Variants in ADAM12 observed in about 807,000 individuals in gnomAD.
The protein encoded by ADAM12 is ADAM metallopeptidase domain 12.
A neutral mutation model predicts 106.4 loss-of-function variants in ADAM12; 70 were observed. That is an observed-to-expected ratio of 0.66 (90% CI 0.54 to 0.80). The LOEUF is 0.80. ADAM12 is among the 30% of genes least tolerant of loss of function. The pLI is 0.00. For missense variants in ADAM12, 1,010 were observed against 1,171.9 expected, an observed-to-expected ratio of 0.86 and a Z score of 2.02; for synonymous variants, 420 against 433.5, an observed-to-expected ratio of 0.97 and a Z score of 0.39.
At chr10:126,195,790 TTTATATG>T (rs1352589156) in intron 3 of ADAM12, among the ~76,000 whole-genome samples, 16 of 152,334 alleles carry the variant, frequency 1.1e-4, no homozygotes, top group African/African-American at 3.6e-4. Flanking sequence ...GACTACTCTA[TTTATATG>T]ATACAATTTA....
At chr10:126,039,557 G>A in intron 18 of ADAM12, 128 bp from the exon 19 acceptor site, 1 of 1,107,012 alleles carries the variant, frequency 9.0e-7, no homozygotes, top group South Asian at 1.5e-5. Context: ...ACCCGTGAGT[G>A]ATGTACTAAT....
intron 3 of ADAM12, among the ~76,000 whole-genome samples, chr10:126,187,634 C>T (rs1174875751): frequency 2.6e-5 from 4 of 152,170 alleles, no homozygotes; most frequent in East Asian, 1.9e-4. Context: ...GGCAATCCAA[C>T]CCTAGGCTAC....
intron 1 of ADAM12, among the ~76,000 whole-genome samples, chr10:126,373,357 C>A (rs1018398508): frequency 2.0e-5 from 3 of 152,182 alleles, no homozygotes; most frequent in Non-Finnish European, 2.9e-5. Flanking sequence ...GGCTTCACCC[C>A]CAAAGCTCAG....
intron 2 of ADAM12, among the ~76,000 whole-genome samples, chr10:126,311,404 C>T (rs1056797951): frequency 6.6e-6 from 1 of 152,056 alleles, no homozygotes; most frequent in Admixed American, 6.6e-5. Flanking sequence ...GCAGATGAGA[C>T]CTTTGTGGCA....
At position 126,066,708 on chromosome 10, in the gene ADAM12, G is replaced by C; in HGVS notation, c.1413+9C>G. ...ACCTGGGGGTCAAGTTGTAGCTCCGGTGACTCACCTGGCAGTCTTCACAGC... is the reference window on the plus strand; with the variant it reads ...ACCTGGGGGTCAAGTTGTAGCTCCGCTGACTCACCTGGCAGTCTTCACAGC... On this transcript the variant is annotated intron_variant, in intron 13 of 22. Transcript: ENST00000448723. This position sits in a 1 kb window ranked among gnomAD's most constrained non-coding sequence, Gnocchi z 5.1. 1 of 1,613,924 alleles carries C rather than the reference G, an allele frequency of 6.2e-7. No individual in the cohort carries two copies. Among genetic ancestry groups the C allele is most frequent in the South Asian group, 1.1e-5 (1 of 91,078 alleles).
chr10:126,019,879 C>T, intron 21 of ADAM12, 54 bp from the exon 22 acceptor site: 2 of 1,541,776 alleles, frequency 1.3e-6, no homozygotes, highest in Non-Finnish European at 1.8e-6. Flanking sequence ...AGCAGAGGCC[C>T]CTGAGAAGCA....
At chr10:126,141,753 T>C (rs976536857) in intron 4 of ADAM12, among the ~76,000 whole-genome samples, 1 of 119,300 alleles carries the variant, frequency 8.4e-6, no homozygotes, top group Non-Finnish European at 2.0e-5. Context: ...ACCTTGTGAT[T>C]AGAAAGGAAT....
At chr10:126,068,696 C>T (rs1418675455) in intron 12 of ADAM12, among the ~76,000 whole-genome samples, 1 of 152,192 alleles carries the variant, frequency 6.6e-6, no homozygotes, top group Admixed American at 6.5e-5. Context: ...TTCTGCAGTA[C>T]CATATTTCTC....
At chr10:126,368,654 TTGTTG>T (rs1451173259) in intron 1 of ADAM12, among the ~76,000 whole-genome samples, 1 of 143,318 alleles carries the variant, frequency 7.0e-6, no homozygotes, top group East Asian at 2.4e-4. Flanking sequence ...TTTGTTGTTG[TTGTTG>T]TTTTTTTTTG....
At chr10:126,302,013 T>C (rs1444436472) in intron 2 of ADAM12, among the ~76,000 whole-genome samples, 9 of 152,154 alleles carry the variant, frequency 5.9e-5, no homozygotes, top group Admixed American at 4.6e-4. Context: ...GTCCAAATCG[T>C]ATACAAAAAC....
chr10:126,206,977 C>A (rs529263869), intron 3 of ADAM12, among the ~76,000 whole-genome samples: 1 of 152,056 alleles, frequency 6.6e-6, no homozygotes, highest in African/African-American at 2.4e-5. Context: ...AGTTTCCCTG[C>A]ACAAGCTCTC....
chr10:126,340,712 C>T (rs934210013), intron 1 of ADAM12, among the ~76,000 whole-genome samples: 4 of 148,588 alleles, frequency 2.7e-5, no homozygotes, highest in Non-Finnish European at 5.9e-5. Context: ...TGTCCTACCT[C>T]GTGGCCTGTT....
chr10:126,047,079 T>C (rs1234412430), intron 16 of ADAM12, among the ~76,000 whole-genome samples: 1 of 152,206 alleles, frequency 6.6e-6, no homozygotes, highest in Non-Finnish European at 1.5e-5. Context: ...TAAGTGATAC[T>C]GGGCTGGCTG....
At chr10:126,143,058 CACATGTGCATATGTGT>C in intron 4 of ADAM12, among the ~76,000 whole-genome samples, 1 of 69,238 alleles carries the variant, frequency 1.4e-5, no homozygotes, top group Admixed American at 1.6e-4. Context: ...ATATGGTGTG[CACATGTGCATATGTGT>C]GCATGTGTGT....
intron 3 of ADAM12, among the ~76,000 whole-genome samples, chr10:126,195,731 T>C (rs532276904): frequency 2.0e-5 from 3 of 152,382 alleles, no homozygotes; most frequent in Non-Finnish European, 2.9e-5. Context: ...ATCTGCATTA[T>C]GTATCAATCT....
intron 11 of ADAM12, among the ~76,000 whole-genome samples, chr10:126,093,003 T>C (rs1955494286): frequency 6.6e-6 from 1 of 152,216 alleles, no homozygotes; most frequent in Non-Finnish European, 1.5e-5. Context: ...CACACCACGC[T>C]TGTCCCCTGG....
chr10:126,310,546 C>A (rs912934517), intron 2 of ADAM12, among the ~76,000 whole-genome samples: 3 of 152,072 alleles, frequency 2.0e-5, no homozygotes, highest in Non-Finnish European at 4.4e-5. Context: ...ACAGCAAAAC[C>A]CATGGTACAC....
At chr10:126,155,922 T>C (rs1412869437) in intron 3 of ADAM12, among the ~76,000 whole-genome samples, 1 of 150,594 alleles carries the variant, frequency 6.6e-6, no homozygotes, top group East Asian at 2.0e-4. Context: ...ATTTCTAAGA[T>C]AAATTGAAAG....
At chr10:126,359,618 T>G (rs1164216549) in intron 1 of ADAM12, among the ~76,000 whole-genome samples, 3 of 152,210 alleles carry the variant, frequency 2.0e-5, no homozygotes, top group Non-Finnish European at 4.4e-5. Context: ...AAGAGTTGGG[T>G]TCCCATGGTC....
Sources: gnomAD v4.1 joint callset for allele counts (sites outside exome capture counted in the v4.1 genomes callset) on GRCh38, gnomAD v4.1.1 for gene constraint, Gnocchi (gnomAD v3.1) non-coding constraint, MANE v1.5 for transcripts, NCBI Gene and HGNC (gene_info 2026-07-23, HGNC 2026-07-21) for gene names.